Variants in DNAH11 observed in about 807,000 individuals in gnomAD.
DNAH11 encodes the protein axonemal beta dynein heavy chain 11.
DNAH11 carries 442 observed loss-of-function variants against 526.0 expected under a neutral mutation model. The observed-to-expected ratio is 0.84, with a 90% CI of 0.78 to 0.91. DNAH11 has a LOEUF of 0.91. Ranked by LOEUF, DNAH11 falls within the 40% of genes least tolerant of loss-of-function variation. DNAH11 has a pLI of 0.00. For missense variants in DNAH11, 6,989 were observed against 5,448.7 expected (o/e 1.28, Z -8.90); for synonymous variants, 2,461 against 1,935.9 (o/e 1.27, Z -7.12).
At chr7:21,681,449 G>A in intron 30 of DNAH11, 97 bp from the exon 31 acceptor site, 1 of 1,289,922 alleles carries the variant, frequency 7.8e-7, no homozygotes, top group Non-Finnish European at 1.1e-6. Context: ...AAATTGTTTT[G>A]CAAACTAAAT....
intron 55 of DNAH11, among the ~76,000 whole-genome samples, chr7:21,772,439 T>G (rs1459760721): frequency 6.6e-6 from 1 of 151,926 alleles, no homozygotes; most frequent in Non-Finnish European, 1.5e-5. Context: ...TGTGTGTACC[T>G]TTAGTTCCCA....
chr7:21,707,599 G>C (rs1784317272), intron 39 of DNAH11, 100 bp from the exon 40 acceptor site: 3 of 1,405,454 alleles, frequency 2.1e-6, no homozygotes, highest in South Asian at 3.0e-5. Flanking sequence ...ACAGCATCTA[G>C]GAACATATAA....
At position 21,617,793 on chromosome 7, in the gene DNAH11, C is replaced by T; in HGVS notation, c.4254+16C>T. The stretch of plus-strand genomic sequence containing the variant: ...AGCTATTGGGGTCAGTATCCTTGGT[C>T]TCACTAATGAACCTTTTTATGACTG... On this transcript the variant is annotated intron_variant, in intron 23 of 81. Coordinates refer to ENST00000409508, the MANE Select transcript of DNAH11 (RefSeq NM_001277115.2). 4 of 1,567,102 alleles carry T rather than the reference C, an allele frequency of 2.6e-6. No homozygotes were observed. Among genetic ancestry groups the T allele is most frequent in the African/African-American group, 1.4e-5 (1 of 72,994 alleles).
intron 55 of DNAH11, among the ~76,000 whole-genome samples, chr7:21,770,745 G>T (rs1052891477): frequency 6.6e-6 from 1 of 152,136 alleles, no homozygotes; most frequent in Non-Finnish European, 1.5e-5. Flanking sequence ...AATTTTGTGG[G>T]CAGGAAGAAG....
At chr7:21,776,935 CGTGTGT>C (rs3061429) in intron 56 of DNAH11, among the ~76,000 whole-genome samples, 7,117 of 149,670 alleles carry the variant, frequency 0.048, 288 homozygotes, top group East Asian at 0.26. Flanking sequence ...TTTATTTGTA[CGTGTGT>C]GTGTGTGTGT....
chr7:21,647,049 A>G (rs1343050439), intron 28 of DNAH11, among the ~76,000 whole-genome samples: 1 of 152,198 alleles, frequency 6.6e-6, no homozygotes, highest in East Asian at 1.9e-4. Context: ...AAAAGTAATT[A>G]TATGTGTATT....
At chr7:21,820,691 CT>C (rs1385792134) in intron 65 of DNAH11, among the ~76,000 whole-genome samples, 1 of 152,082 alleles carries the variant, frequency 6.6e-6, no homozygotes, top group Non-Finnish European at 1.5e-5. Context: ...CTAGGTTGGC[CT>C]TTTGCTATGT....
chr7:21,729,200 A>C (rs1454400759), intron 45 of DNAH11, among the ~76,000 whole-genome samples: 1 of 152,176 alleles, frequency 6.6e-6, no homozygotes, highest in Non-Finnish European at 1.5e-5. Context: ...CCAGGTTGCT[A>C]AATTGTCTTG....
chr7:21,654,446 C>A lies in DNAH11; in HGVS notation c.4945-1386C>A, dbSNP rs187664131. ...TCCTTTTAATGACTGAACAATATTC[C>A]GTTGTATGGATATACCACATTTTGT... On this transcript the variant is annotated intron_variant, in intron 28 of 81. Coordinates refer to ENST00000409508, the MANE Select transcript of DNAH11 (RefSeq NM_001277115.2). 1.3e-3 allele frequency among the ~76,000 whole-genome samples: 203 copies of A among 152,182 alleles called. 1 individual carries two copies. Among genetic ancestry groups the A allele is most frequent in the Middle Eastern group, 6.8e-3 (2 of 294 alleles).
chr7:21,559,466 A>C, intron 3 of DNAH11, 137 bp from the exon 4 acceptor site: 1 of 727,392 alleles, frequency 1.4e-6, no homozygotes, highest in Non-Finnish European at 2.2e-6. Flanking sequence ...ACTCAAATCA[A>C]GACCATAAAA....
Position 21,778,988 on chromosome 7 carries a change from CAAG to C in DNAH11, c.9371_9373del (p.Glu3124del). On this transcript the variant is annotated inframe_deletion, in exon 57 of 82. Coordinates refer to ENST00000409508, the MANE Select transcript of DNAH11 (RefSeq NM_001277115.2). ...AGATCTAAAAGCCAGACTTGCCTCT[CAAG>C]AAGCCGAGCTGCAACTGAGAAATCA... 6.2e-7 allele frequency: 1 copy of C among 1,613,260 alleles called. No homozygotes were observed.
At chr7:21,785,262 G>A (rs1262567479) in intron 58 of DNAH11, among the ~76,000 whole-genome samples, 4 of 152,088 alleles carry the variant, frequency 2.6e-5, no homozygotes, top group Admixed American at 6.6e-5. Context: ...TCCTGAATTC[G>A]TTTTGTAAGT....
At chr7:21,614,051 A>G (rs1038317543) in intron 20 of DNAH11, among the ~76,000 whole-genome samples, 7 of 151,958 alleles carry the variant, frequency 4.6e-5, no homozygotes, top group African/African-American at 1.7e-4. Context: ...TGCTGGGATT[A>G]CAAGCATGAG....
At chr7:21,675,704 T>G (rs1229518663) in intron 30 of DNAH11, among the ~76,000 whole-genome samples, 1 of 152,144 alleles carries the variant, frequency 6.6e-6, no homozygotes, top group East Asian at 1.9e-4. Context: ...GAGTGTTGAT[T>G]TGGACACATG....
intron 73 of DNAH11, among the ~76,000 whole-genome samples, chr7:21,872,771 GC>G (rs1284209772): frequency 6.6e-6 from 1 of 152,220 alleles, no homozygotes; most frequent in Non-Finnish European, 1.5e-5. Flanking sequence ...CTTTCAGCTA[GC>G]CTTGCTTCCC....
intron 69 of DNAH11, among the ~76,000 whole-genome samples, chr7:21,862,887 AC>A (rs1463634817): frequency 1.3e-5 from 2 of 151,920 alleles, no homozygotes; most frequent in African/African-American, 4.8e-5. Context: ...ACACAGTGAA[AC>A]CCCGGCTCTA....
chr7:21,740,182 A>G (rs1785815741), intron 48 of DNAH11, among the ~76,000 whole-genome samples: 1 of 148,758 alleles, frequency 6.7e-6, no homozygotes, highest in Admixed American at 6.8e-5. Flanking sequence ...GTCCCTGGTA[A>G]CAATTGATCT....
chr7:21,714,821 T>C (rs951234156), intron 42 of DNAH11, among the ~76,000 whole-genome samples: 1 of 152,194 alleles, frequency 6.6e-6, no homozygotes, highest in Non-Finnish European at 1.5e-5. Flanking sequence ...TGCTGAAATA[T>C]ATGAAAGTAA....
Position 21,683,770 on chromosome 7 carries a change from T to G in DNAH11, c.5461-14T>G. The G allele has an allele frequency of 6.3e-7, 1 of 1,582,290 alleles. No individual in the cohort carries two copies. The highest frequency in any genetic ancestry group is 8.6e-7 in the Non-Finnish European group (1 of 1,163,512). On this transcript the variant is annotated splice_polypyrimidine_tract_variant and intron_variant, in intron 31 of 81. Coordinates refer to ENST00000409508, the MANE Select transcript of DNAH11 (RefSeq NM_001277115.2). ...ACCAGTGTCCTGCGTATGATGATTA[T>G]GCAATGCCTTTAGGTTGTCAGTCCC...
Sources: gnomAD v4.1 joint callset for allele counts (sites outside exome capture counted in the v4.1 genomes callset) on GRCh38, gnomAD v4.1.1 for gene constraint, MANE v1.5 for transcripts, NCBI Gene and HGNC (gene_info 2026-07-23, HGNC 2026-07-21) for gene names.